Variants in FMN2 observed in about 807,000 individuals in gnomAD.
The protein encoded by FMN2 is formin 2, also known as formin-2.
In FMN2, 51 loss-of-function variants were observed where a neutral mutation model predicts 142.3. The observed-to-expected ratio is 0.36, with a 90% CI of 0.29 to 0.45. FMN2 has a LOEUF of 0.45. FMN2 is among the 20% of genes least tolerant of loss of function. The probability of loss-of-function intolerance (pLI) is 1.00; values close to 1 mark genes in which losing one functional copy is unlikely to be tolerated. For synonymous variants in FMN2, 882 were observed against 869.8 expected (o/e 1.01, Z -0.25); for missense variants, 1,936 against 2,122.8 (o/e 0.91, Z 1.73).
rs753172887 is a variant in FMN2, at chr1:240,092,803, C to G, written c.694C>G (p.Pro232Ala). The stretch of plus-strand genomic sequence containing the variant: ...GCAGCAGCTCCAGGGCGCCGAGGAG[C>G]CTGCAGCGCCCCCCACTGCCGTCTC... ...QQQQLQGAEE[P>A]AAPPTAVSPQ... Residue 232 changes from proline to alanine, a missense_variant, in exon 1 of 18, where the codon CCT (proline) becomes GCT (alanine). Pro to Ala is a conservative substitution (Grantham distance 27). Around this residue, in one of 8 missense-constraint regions of FMN2, gnomAD observed 751 missense variants for 791.8 expected, o/e 0.95. Transcript: ENST00000319653. 27 of 1,585,682 alleles carry G rather than the reference C, an allele frequency of 1.7e-5. No individual in the cohort carries two copies. In the Middle Eastern group the frequency reaches 5.5e-4, roughly 33 times the overall value.
intron 4 of FMN2, among the ~76,000 whole-genome samples, chr1:240,205,081 A>G (rs892182955): frequency 6.6e-6 from 1 of 152,210 alleles, no homozygotes; most frequent in Non-Finnish European, 1.5e-5. Context: ...AGTCTGGAGT[A>G]TAAGTGTCAG....
At chr1:240,184,908 C>A (rs1665338960) in intron 3 of FMN2, among the ~76,000 whole-genome samples, 1 of 151,908 alleles carries the variant, frequency 6.6e-6, no homozygotes, top group Admixed American at 6.6e-5. Context: ...GACACTTTCG[C>A]CATTTTTCAT....
chr1:240,349,353 G>A (rs958902852), intron 13 of FMN2, among the ~76,000 whole-genome samples: 1 of 152,166 alleles, frequency 6.6e-6, no homozygotes, highest in African/African-American at 2.4e-5. Flanking sequence ...TATCTGTTAT[G>A]TGACTTCCTT....
At chr1:240,231,051 C>T (rs1667511215) in intron 6 of FMN2, among the ~76,000 whole-genome samples, 2 of 131,758 alleles carry the variant, frequency 1.5e-5, no homozygotes, top group East Asian at 4.5e-4. Flanking sequence ...AGTATTCCCC[C>T]AGTGATGCCA....
intron 6 of FMN2, among the ~76,000 whole-genome samples, chr1:240,223,337 T>G (rs553016005): frequency 6.6e-6 from 1 of 152,224 alleles, no homozygotes; most frequent in East Asian, 1.9e-4. Flanking sequence ...ATTAAGCAAA[T>G]TTGATCATGG....
chr1:240,317,511 A>G (rs1670830879), intron 8 of FMN2, among the ~76,000 whole-genome samples: 1 of 152,036 alleles, frequency 6.6e-6, no homozygotes, highest in East Asian at 1.9e-4. Context: ...ACCTTTTAAG[A>G]TTAGCTTTTT....
chr1:240,373,928 C>A (rs745522425), intron 14 of FMN2, among the ~76,000 whole-genome samples: 2 of 152,170 alleles, frequency 1.3e-5, no homozygotes, highest in Non-Finnish European at 2.9e-5. Flanking sequence ...GCAGCTATAG[C>A]CTTACCAAAT....
chr1:240,423,607 C>T (rs1055417978), intron 15 of FMN2, among the ~76,000 whole-genome samples: 1 of 151,982 alleles, frequency 6.6e-6, no homozygotes, highest in Non-Finnish European at 1.5e-5. Context: ...TGCTGTACTC[C>T]CAAAGGACAA....
At chr1:240,399,391 C>T (rs1034450938) in intron 15 of FMN2, among the ~76,000 whole-genome samples, 7 of 152,122 alleles carry the variant, frequency 4.6e-5, no homozygotes, top group African/African-American at 1.4e-4. Context: ...GTTCTATGGA[C>T]TTGCAGCAAA....
chr1:240,283,692 A>G (rs536036019), intron 7 of FMN2, among the ~76,000 whole-genome samples: 1 of 152,328 alleles, frequency 6.6e-6, no homozygotes, highest in Non-Finnish European at 1.5e-5. Context: ...TAGAGGGAGT[A>G]GCTGGAGTGT....
chr1:240,260,661 T>C (rs1386775287), intron 7 of FMN2, among the ~76,000 whole-genome samples: 4 of 152,238 alleles, frequency 2.6e-5, no homozygotes, highest in Non-Finnish European at 4.4e-5. Flanking sequence ...TGGTCCTCTG[T>C]CAGATGTATA....
intron 6 of FMN2, among the ~76,000 whole-genome samples, chr1:240,250,892 C>T (rs1268710278): frequency 6.6e-6 from 1 of 151,934 alleles, no homozygotes; most frequent in African/African-American, 2.4e-5. Flanking sequence ...TCATAATAGT[C>T]TCTGATGATC....
rs1484960484 is a variant in FMN2 at position 240,203,526 on chromosome 1, G to A, written c.1987-3273G>A. ...CTTTGCAGCGACATGGATGGAGCTG[G>A]AAGCCGTTATCCTCAGCAAACTAAC... is the stretch of plus-strand genomic sequence containing the variant. On this transcript the variant is annotated intron_variant, in intron 4 of 17. Coordinates refer to ENST00000319653, the MANE Select transcript of FMN2 (RefSeq NM_020066.5). Among the ~76,000 whole-genome samples the A allele has an allele frequency of 2.6e-5, 4 of 152,210 alleles. No homozygotes were observed. In the East Asian group the frequency reaches 7.7e-4, roughly 29 times the overall value.
chr1:240,405,604 G>A (rs944172208), intron 15 of FMN2, among the ~76,000 whole-genome samples: 3 of 145,590 alleles, frequency 2.1e-5, no homozygotes, highest in Admixed American at 1.4e-4. Flanking sequence ...GGCGACAAGA[G>A]CAAAACTCCG....
At chr1:240,219,036 G>A (rs538747383) in intron 6 of FMN2, among the ~76,000 whole-genome samples, 8 of 152,216 alleles carry the variant, frequency 5.3e-5, no homozygotes, top group Non-Finnish European at 1.2e-4. Context: ...TATGTAGAGA[G>A]GATTAAGGGA....
chr1:240,143,443 C>T (rs1157535552), intron 2 of FMN2: 2 of 1,455,054 alleles, frequency 1.4e-6, no homozygotes, highest in African/African-American at 2.8e-5. Flanking sequence ...CTGATGTGCT[C>T]CCATGTCAGC....
In FMN2 at chr1:240,212,861, G is replaced by A. The variant is rs534513250; in HGVS notation, c.4065+1626G>A. On this transcript the variant is annotated intron_variant, in intron 6 of 17. Transcript: ENST00000319653. ...GACAAACGTGTAGATGTGGCATGGA[G>A]CCTCTCTCGTCCAGGGACCAAATAC... Among the ~76,000 whole-genome samples the A allele has an allele frequency of 2.0e-5, 3 of 152,216 alleles. No homozygotes were observed. The East Asian group carries it at 5.8e-4, about 29-fold the overall frequency.
At chr1:240,324,665 T>A (rs2103005636) in intron 8 of FMN2, among the ~76,000 whole-genome samples, 1 of 119,136 alleles carries the variant, frequency 8.4e-6, no homozygotes, top group Non-Finnish European at 1.6e-5. Flanking sequence ...TGAGACCCTG[T>A]CGAAAGAAGG....
At chr1:240,451,706 C>T (rs996664814) in intron 16 of FMN2, among the ~76,000 whole-genome samples, 1 of 151,970 alleles carries the variant, frequency 6.6e-6, no homozygotes, top group Non-Finnish European at 1.5e-5. Flanking sequence ...GAAGAAAGTG[C>T]GCTTATAAGC....
Sources: allele counts gnomAD v4.1 joint callset (sites outside exome capture counted in the v4.1 genomes callset), GRCh38; gene constraint gnomAD v4.1.1; regional missense constraint gnomAD v4.1.1; transcripts MANE v1.5; gene names NCBI Gene and HGNC (gene_info 2026-07-23, HGNC 2026-07-21).